The following SBF2 variants were observed in gnomAD, a reference collection of about 807,000 sequenced individuals.
SBF2 encodes myotubularin-related protein 13.
Under a neutral mutation model 225.2 loss-of-function variants are expected in SBF2, and 112 were observed. That is an observed-to-expected ratio of 0.50 (90% CI 0.43 to 0.58). SBF2 has a LOEUF of 0.58. Among genes scored for constraint, SBF2 ranks in the 20% least tolerant of loss-of-function variants. The pLI is 0.00. For synonymous variants in SBF2, 763 were observed against 773.3 expected (o/e 0.99, Z 0.22); for missense variants, 1,996 against 2,206.2 (o/e 0.90, Z 1.91).
chr11:10,160,845 C>T (rs1420059019), intron 2 of SBF2, among the ~76,000 whole-genome samples: 1 of 152,078 alleles, frequency 6.6e-6, no homozygotes, highest in Non-Finnish European at 1.5e-5. Flanking sequence ...CTGGCTAATT[C>T]CTATTCATCC....
At chr11:10,018,102 G>T (rs1219903226) in intron 6 of SBF2, among the ~76,000 whole-genome samples, 1 of 152,116 alleles carries the variant, frequency 6.6e-6, no homozygotes, top group East Asian at 1.9e-4. Flanking sequence ...GGAGAATTAT[G>T]CAAGGAACAA....
At chr11:9,831,506 T>C (rs1855398379) in intron 27 of SBF2, among the ~76,000 whole-genome samples, 1 of 152,218 alleles carries the variant, frequency 6.6e-6, no homozygotes, top group African/African-American at 2.4e-5. Flanking sequence ...AGATTCTGAG[T>C]TTACTTCATT....
intron 26 of SBF2, among the ~76,000 whole-genome samples, chr11:9,834,558 ATTAACTTTCCATAC>A (rs2133942052): frequency 6.6e-6 from 1 of 152,310 alleles, no homozygotes; most frequent in African/African-American, 2.4e-5. Flanking sequence ...TGAATGCCAA[ATTAACTTTCCATAC>A]TTAACCAATG....
At chr11:10,143,392 G>A (rs1267865703) in intron 2 of SBF2, among the ~76,000 whole-genome samples, 1 of 152,040 alleles carries the variant, frequency 6.6e-6, no homozygotes, top group African/African-American at 2.4e-5. Flanking sequence ...GGCTGGTCTC[G>A]AACTCCTGAC....
At chr11:9,955,478 A>G (rs954894656) in intron 16 of SBF2, among the ~76,000 whole-genome samples, 3 of 152,014 alleles carry the variant, frequency 2.0e-5, no homozygotes, top group Non-Finnish European at 2.9e-5. Context: ...GAAGAGGTGC[A>G]CCATATTTAA....
intron 16 of SBF2, among the ~76,000 whole-genome samples, chr11:9,932,787 C>A (rs1186231331): frequency 3.3e-5 from 5 of 151,746 alleles, no homozygotes; most frequent in Admixed American, 6.6e-5. Context: ...ACAATATTAA[C>A]CTTAAATTTA....
intron 16 of SBF2, among the ~76,000 whole-genome samples, chr11:9,933,927 G>C (rs1864690474): frequency 6.6e-6 from 1 of 152,028 alleles, no homozygotes; most frequent in Admixed American, 6.6e-5. Context: ...GACTAATAAA[G>C]AAGAAAAGAG....
chr11:10,161,708 G>A (rs1423924931), intron 2 of SBF2, among the ~76,000 whole-genome samples: 1 of 152,040 alleles, frequency 6.6e-6, no homozygotes. Context: ...GGAAGAGGGT[G>A]GGCGTGGTGG....
chr11:10,147,830 T>C lies in SBF2; in HGVS notation c.141+46072A>G, dbSNP rs34282282. 6.7e-3 allele frequency among the ~76,000 whole-genome samples: 1,014 copies of C among 152,268 alleles called. 9 individuals are homozygous for C. The highest frequency in any genetic ancestry group is 0.027 in the Middle Eastern group (8 of 294). On this transcript the variant is annotated intron_variant, in intron 2 of 39. Coordinates refer to ENST00000256190, the MANE Select transcript of SBF2 (RefSeq NM_030962.4). ...TTGTGTCTGGTTCTTAAAACACTAT[T>C]GTCCATCAGAATGAAATTAAGTAAG...
chr11:10,053,755 G>GA lies in SBF2; in HGVS notation c.142-10775dup, dbSNP rs776284653. On this transcript the variant is annotated intron_variant, in intron 2 of 39. Coordinates refer to ENST00000256190, the MANE Select transcript of SBF2 (RefSeq NM_030962.4). ...TGGTGAAGAGTGAGACCTTGTCTCG[G>GA]AAAAAAAAAAAAAAATTAACCAAGA... is the stretch of plus-strand genomic sequence containing the variant. Among the ~76,000 whole-genome samples, 236 of 136,656 alleles carry GA rather than the reference G, an allele frequency of 1.7e-3. 1 individual carries two copies. The highest frequency in any genetic ancestry group is 0.015 in the Middle Eastern group (4 of 264). The allele number at this position is 136,656 out of a possible 152,430, so 89.7% of individuals were successfully genotyped here.
intron 14 of SBF2, among the ~76,000 whole-genome samples, chr11:9,965,202 C>T (rs982161581): frequency 6.6e-6 from 1 of 152,200 alleles, no homozygotes; most frequent in Non-Finnish European, 1.5e-5. Context: ...TTCACCTTCT[C>T]CCATACCTAA....
At chr11:9,803,660 G>C (rs1031402443) in intron 32 of SBF2, among the ~76,000 whole-genome samples, 4 of 152,152 alleles carry the variant, frequency 2.6e-5, no homozygotes, top group Non-Finnish European at 5.9e-5. Context: ...AATTCTGCAA[G>C]TTGAACATAG....
At chr11:10,192,032 A>C (rs1957196161) in intron 2 of SBF2, among the ~76,000 whole-genome samples, 1 of 152,174 alleles carries the variant, frequency 6.6e-6, no homozygotes, top group South Asian at 2.1e-4. Context: ...ATGTGAATGG[A>C]GGTAGGAACC....
chr11:9,943,985 T>C (rs1280928112), intron 16 of SBF2, among the ~76,000 whole-genome samples: 2 of 152,126 alleles, frequency 1.3e-5, no homozygotes, highest in Non-Finnish European at 2.9e-5. Flanking sequence ...GCCAGGGCAA[T>C]GAAATATCCT....
chr11:9,911,830 T>C (rs997073525), intron 16 of SBF2, among the ~76,000 whole-genome samples: 1 of 152,256 alleles, frequency 6.6e-6, no homozygotes, highest in South Asian at 2.1e-4. Flanking sequence ...TACAACTGCC[T>C]ACAGTATTCA....
rs1306977720 is a variant in SBF2 at position 9,812,601 on chromosome 11, T to A, written c.4086A>T (p.Pro1362=). ...CTTCTGAGTCAGTAGGGATGGTGCT[T>A]GGGATACAAGCCCTCATCAGCTTCT... ...SFKKLMRACI[P]STIPTDSEVT... The change falls in exon 30 of 40, where the codon CCA becomes CCT. Residue 1362 remains proline, a synonymous_variant. Coordinates refer to ENST00000256190, the MANE Select transcript of SBF2 (RefSeq NM_030962.4). 6.2e-7 allele frequency: 1 copy of A among 1,614,050 alleles called. No homozygotes were observed. The highest frequency in any genetic ancestry group is 8.5e-7 in the Non-Finnish European group (1 of 1,180,030).
At chr11:10,118,259 A>AT (rs1196685120) in intron 2 of SBF2, among the ~76,000 whole-genome samples, 1 of 152,182 alleles carries the variant, frequency 6.6e-6, no homozygotes, top group Non-Finnish European at 1.5e-5. Flanking sequence ...CTATTTGTAC[A>AT]TTTTTAAAGT....
chr11:10,137,945 A>G (rs2135124956), intron 2 of SBF2, among the ~76,000 whole-genome samples: 1 of 152,278 alleles, frequency 6.6e-6, no homozygotes, highest in South Asian at 2.1e-4. Flanking sequence ...GGTTGCAGTG[A>G]GCCGAGATTG....
chr11:9,890,856 G>A (rs549654680), intron 17 of SBF2, among the ~76,000 whole-genome samples: 59 of 152,234 alleles, frequency 3.9e-4, no homozygotes, highest in African/African-American at 1.3e-3. Flanking sequence ...GGTGGCAGCC[G>A]GGTGTGGTGG....
Sources: allele counts gnomAD v4.1 joint callset (sites outside exome capture counted in the v4.1 genomes callset), GRCh38; gene constraint gnomAD v4.1.1; transcripts MANE v1.5; gene names NCBI Gene and HGNC (gene_info 2026-07-23, HGNC 2026-07-21).